The following NOL8 variants were observed in gnomAD, a reference collection of about 807,000 sequenced individuals.
NOL8 encodes the protein nucleolar protein Nop132.
In NOL8, 93 loss-of-function variants were observed where a neutral mutation model predicts 116.1. The ratio of observed to expected loss-of-function variants is 0.80; its 90% confidence interval spans 0.68 to 0.95. The LOEUF is 0.95. NOL8 is among the 40% of genes least tolerant of loss of function. The probability of loss-of-function intolerance (pLI) is 0.00; values close to 1 mark genes in which losing one functional copy is unlikely to be tolerated. For synonymous variants in NOL8, 419 were observed against 469.0 expected, an observed-to-expected ratio of 0.89 and a Z score of 1.38; for missense variants, 1,291 against 1,382.8, an observed-to-expected ratio of 0.93 and a Z score of 1.05.
chr9:92,313,278 A>C (rs1029347180), intron 7 of NOL8, among the ~76,000 whole-genome samples: 1 of 152,122 alleles, frequency 6.6e-6, no homozygotes, highest in Non-Finnish European at 1.5e-5. Flanking sequence ...TTGGTTACAG[A>C]CGGAGCCGTT....
intron 7 of NOL8, among the ~76,000 whole-genome samples, chr9:92,312,161 G>A (rs1159115262): frequency 6.6e-6 from 1 of 152,048 alleles, no homozygotes; most frequent in African/African-American, 2.4e-5. Flanking sequence ...GAGTACACAT[G>A]GGGGAGCAAT....
rs761947520 is a variant in NOL8, at chr9:92,315,783, A to C, written c.842T>G (p.Leu281Arg). The C allele has an allele frequency of 6.2e-7, 1 of 1,613,740 alleles. No homozygotes were observed. The highest frequency in any genetic ancestry group is 2.2e-5 in the East Asian group (1 of 44,870). The change falls in exon 7 of 17, where the codon CTA becomes CGA. Residue 281 changes from leucine to arginine, a missense_variant. Coordinates refer to ENST00000442668, the MANE Select transcript of NOL8 (RefSeq NM_017948.6). ...TTCCAAGCCAGAAGTCTTAAAAGGT[A>C]GATTTTTAAGTTTCTGAGTATCAGA... ...PVSDTQKLKNLPFKTSGLETA... is the reference protein window; with the variant it reads ...PVSDTQKLKNRPFKTSGLETA...
rs16908298 is a variant in NOL8, at chr9:92,319,287, T to C, written c.351A>G (p.Leu117=). The change falls in exon 5 of 17, where the codon TTA becomes TTG. Residue 117 remains leucine (L), a synonymous_variant. Coordinates refer to ENST00000442668, the MANE Select transcript of NOL8 (RefSeq NM_017948.6). The part of the protein sequence containing the change: ...EESTTGNANL[L]EKTGGVDFHM... ...GGAAATCCACTCCTCCTGTCTTTTC[T>C]AACAAGTTGGCGTTACCTGTTGTTG... 5.8e-3 allele frequency: 9,205 copies of C among 1,596,734 alleles called. 452 individuals are homozygous for C. In the African/African-American group the frequency reaches 0.11, roughly 19 times the overall value.
chr9:92,300,657 T>C, intron 13 of NOL8: 1 of 1,049,188 alleles, frequency 9.5e-7, no homozygotes, highest in Non-Finnish European at 1.2e-6. Context: ...ACTCAACAGT[T>C]TATATAGACA....
At chr9:92,318,524 A>C in intron 6 of NOL8, 94 bp downstream of exon 6, 2 of 895,308 alleles carry the variant, frequency 2.2e-6, no homozygotes, top group South Asian at 3.2e-5. Context: ...ACAAACACCT[A>C]AAGATTCACT....
rs12002188 is a variant in NOL8 at position 92,303,456 on chromosome 9, G to A, written c.2904-1634C>T. On this transcript the variant is annotated intron_variant, in intron 12 of 16. Transcript: ENST00000442668. ...AATAGTTTTATCGGCACACAGCCTT[G>A]CTCATTTGTTTACATATTGTCTATG... is the stretch of plus-strand genomic sequence containing the variant. 8.7e-3 allele frequency among the ~76,000 whole-genome samples: 1,325 copies of A among 152,284 alleles called. 32 individuals are homozygous for A. Among genetic ancestry groups the A allele is most frequent in the African/African-American group, 0.029 (1,224 of 41,544 alleles).
chr9:92,314,646 G>A lies in NOL8; in HGVS notation c.1979C>T (p.Ser660Phe), dbSNP rs1181668772. ...TFESQDRKAV[S>F]PSSSEKRSKN... ...ACTTCTCTTTTCAGAACTGCTAGGG[G>A]ACACTGCCTTGCGATCCTGGCTTTC... The change falls in exon 7 of 17, where the codon TCC becomes TTC. Residue 660 changes from serine to phenylalanine, a missense_variant. Physicochemically the swap from Ser to Phe is radical, Grantham distance 155. Transcript: ENST00000442668. 1 of 1,613,562 alleles carries A rather than the reference G, an allele frequency of 6.2e-7. No homozygotes were observed. Among genetic ancestry groups the A allele is most frequent in the East Asian group, 2.2e-5 (1 of 44,878 alleles).
chr9:92,315,570 A>T lies in NOL8; in HGVS notation c.1055T>A (p.Ile352Lys). The T allele has an allele frequency of 6.2e-7, 1 of 1,612,782 alleles. No homozygotes were observed. Among genetic ancestry groups the T allele is most frequent in the South Asian group, 1.1e-5 (1 of 90,946 alleles). The change falls in exon 7 of 17, where the codon ATA (isoleucine) becomes AAA (lysine). Residue 352 changes from isoleucine (I) to lysine (K), a missense_variant. By Grantham distance (102) the Ile-to-Lys change is moderately radical. Transcript: ENST00000442668. ...GACACGATTTTTGATACCTAAACCT[A>T]TTAAAGAATGCAGTTTGTGAACGCC... ...KSGVHKLHSLIGLGIKNRVSC... is the reference protein window; with the variant it reads ...KSGVHKLHSLKGLGIKNRVSC...
intron 12 of NOL8, among the ~76,000 whole-genome samples, chr9:92,304,037 A>C (rs1837998773): frequency 6.6e-6 from 1 of 152,204 alleles, no homozygotes; most frequent in Non-Finnish European, 1.5e-5. Context: ...AAATACCACT[A>C]GACTGGACTG....
chr9:92,320,330 A>G, intron 4 of NOL8: 2 of 377,576 alleles, frequency 5.3e-6, no homozygotes, highest in South Asian at 4.0e-5. Context: ...TGTGTGCTCA[A>G]CCTGCTCAGC....
intron 1 of NOL8, chr9:92,324,987 G>C (rs533166566): frequency 6.7e-4 from 102 of 152,268 alleles, no homozygotes; most frequent in African/African-American, 2.4e-3. Flanking sequence ...GAAGGTTGCT[G>C]TATCACAGGG....
Position 92,301,795 on chromosome 9 carries a change from C to G in NOL8, c.2931G>C (p.Glu977Asp), listed in dbSNP as rs749416452. ...ESKAKRKKKR[E>D]EAEKLPEVSK... Reference sequence around the variant, plus strand: ...ACACCTCAGGTAGTTTCTCAGCTTCCTCCCTTTTCTTTTTTCGTTTTGCTT... The same window carrying G: ...ACACCTCAGGTAGTTTCTCAGCTTCGTCCCTTTTCTTTTTTCGTTTTGCTT... The change falls in exon 13 of 17, where the codon GAG (glutamate) becomes GAC (aspartate). Residue 977 changes from glutamate to aspartate, a missense_variant. Coordinates refer to ENST00000442668, the MANE Select transcript of NOL8 (RefSeq NM_017948.6). 2 of 1,594,510 alleles carry G rather than the reference C, an allele frequency of 1.3e-6. No individual in the cohort carries two copies. The highest frequency in any genetic ancestry group is 2.3e-5 in the South Asian group (2 of 88,304).
chr9:92,306,253 C>CA (rs1158767898), intron 11 of NOL8, among the ~76,000 whole-genome samples: 6 of 152,286 alleles, frequency 3.9e-5, no homozygotes, highest in African/African-American at 1.4e-4. Flanking sequence ...CTTAGCCTCC[C>CA]AAAGTGCTAG....
intron 6 of NOL8, 68 bp from the exon 7 acceptor site, chr9:92,316,206 A>AT: frequency 6.7e-7 from 1 of 1,481,512 alleles, no homozygotes; most frequent in Non-Finnish European, 9.1e-7. Context: ...TTTGATACAA[A>AT]AAATATTGCT....
chr9:92,313,708 C>A (rs1481787186), intron 7 of NOL8, among the ~76,000 whole-genome samples: 1 of 152,176 alleles, frequency 6.6e-6, no homozygotes, highest in Non-Finnish European at 1.5e-5. Flanking sequence ...TTCACCTGGG[C>A]CTGACCAATT....
chr9:92,324,266 A>G, intron 1 of NOL8, 57 bp from the exon 2 acceptor site: 1 of 1,244,966 alleles, frequency 8.0e-7, no homozygotes, highest in South Asian at 1.6e-5. Context: ...CAAAACAACT[A>G]CTTCCTCTGA....
At chr9:92,323,708 AG>A (rs1840139854) in intron 2 of NOL8, among the ~76,000 whole-genome samples, 1 of 152,118 alleles carries the variant, frequency 6.6e-6, no homozygotes, top group African/African-American at 2.4e-5. Flanking sequence ...AATGTCCAGT[AG>A]TCAGATAAGG....
At position 92,320,202 on chromosome 9, in the gene NOL8, T is replaced by C. The variant is rs1839808342; in HGVS notation, c.282-846A>G. The C allele has an allele frequency of 8.8e-6, 4 of 456,124 alleles. No individual in the cohort carries two copies. The Middle Eastern group carries it at 1.3e-3, about 149-fold the overall frequency. 28.3% of individuals were successfully genotyped at this position (456,124 alleles called of 1,614,324 possible). The stretch of plus-strand genomic sequence containing the variant: ...GCCACCTTCTTCAGGCCTGGACAAC[T>C]GCACAGAGCAGTCCTCACTGGCCTC... On this transcript the variant is annotated intron_variant, in intron 4 of 16. Transcript: ENST00000442668.
intron 7 of NOL8, among the ~76,000 whole-genome samples, chr9:92,311,782 A>G (rs777133371): frequency 6.6e-6 from 1 of 152,244 alleles, no homozygotes; most frequent in Non-Finnish European, 1.5e-5. Flanking sequence ...CACAGTGGAA[A>G]GCAGTTTGGC....
Sources: gnomAD v4.1 joint callset for allele counts (sites outside exome capture counted in the v4.1 genomes callset) on GRCh38, gnomAD v4.1.1 for gene constraint, MANE v1.5 for transcripts, NCBI Gene and HGNC (gene_info 2026-07-23, HGNC 2026-07-21) for gene names.